Variants in GRAMD1C observed in about 807,000 individuals in gnomAD.
GRAMD1C encodes GRAM domain containing 1C.
In GRAMD1C, 89 loss-of-function variants were observed where a neutral mutation model predicts 97.8. The ratio of observed to expected loss-of-function variants is 0.91; its 90% CI spans 0.77 to 1.09. The LOEUF is 1.09. GRAMD1C is among the 50% of genes least tolerant of loss of function. The probability of loss-of-function intolerance (pLI) is 0.00; values close to 1 mark genes in which losing one functional copy is unlikely to be tolerated. For synonymous variants in GRAMD1C, 256 were observed against 267.0 expected (o/e 0.96, Z 0.40); for missense variants, 740 against 766.4 (o/e 0.97, Z 0.41).
intron 3 of GRAMD1C, among the ~76,000 whole-genome samples, chr3:113,872,277 T>A (rs1319627303): frequency 6.6e-6 from 1 of 152,064 alleles, no homozygotes; most frequent in East Asian, 1.9e-4. Flanking sequence ...TAGGATTATA[T>A]ATATAGAAAA....
chr3:113,866,979 C>T (rs1263395117), intron 2 of GRAMD1C, among the ~76,000 whole-genome samples: 2 of 152,088 alleles, frequency 1.3e-5, no homozygotes, highest in African/African-American at 4.8e-5. Flanking sequence ...CAGGTGCCTG[C>T]CACCCTGCCT....
chr3:113,856,512 T>G (rs1934133328), intron 2 of GRAMD1C, among the ~76,000 whole-genome samples: 1 of 143,492 alleles, frequency 7.0e-6, no homozygotes, highest in Non-Finnish European at 1.5e-5. Context: ...TCTCCAGATT[T>G]ATTTATTTCT....
chr3:113,876,017 G>A (rs1351123349), intron 4 of GRAMD1C, 148 bp from the exon 5 acceptor site: 7 of 585,956 alleles, frequency 1.2e-5, no homozygotes, highest in South Asian at 4.7e-5. Context: ...GAATACAAGC[G>A]TGTACTTATT....
rs371319847 is a variant in GRAMD1C, at chr3:113,885,308, C to G, written c.540+2476C>G. On this transcript the variant is annotated intron_variant, in intron 6 of 17. Transcript: ENST00000358160. ...GCCGGGGTCATCCGGATGGTGCGGA[C>G]GCAGTGTCTGCTGGGACTGCGCACG... 109 of 1,563,104 alleles carry G rather than the reference C, an allele frequency of 7.0e-5. No individual in the cohort carries two copies. In the South Asian group the frequency reaches 1.1e-3, roughly 15 times the overall value.
intron 11 of GRAMD1C, 49 bp downstream of exon 11, chr3:113,930,881 A>G (rs1937393865): frequency 1.1e-6 from 1 of 929,158 alleles, no homozygotes; most frequent in Non-Finnish European, 1.8e-6. Context: ...GGGGGAAGAG[A>G]GAAGATGCCT....
At chr3:113,889,858 G>C (rs113061116) in intron 6 of GRAMD1C, among the ~76,000 whole-genome samples, 2 of 151,954 alleles carry the variant, frequency 1.3e-5, no homozygotes, top group African/African-American at 4.8e-5. Flanking sequence ...GGCTGGTCTC[G>C]AACTCCCGAC....
chr3:113,912,939 T>A (rs1936657881), intron 9 of GRAMD1C: 3 of 259,376 alleles, frequency 1.2e-5, no homozygotes, highest in South Asian at 7.1e-5. Context: ...ACTTATTAAG[T>A]AGGCATTTTA....
intron 8 of GRAMD1C, among the ~76,000 whole-genome samples, chr3:113,908,039 C>G (rs1156755252): frequency 6.6e-6 from 1 of 152,046 alleles, no homozygotes; most frequent in East Asian, 1.9e-4. Flanking sequence ...GTCCTCGGTC[C>G]CAGTTGTTAT....
At chr3:113,898,527 C>T (rs1025732830) in intron 6 of GRAMD1C, among the ~76,000 whole-genome samples, 32 of 152,032 alleles carry the variant, frequency 2.1e-4, no homozygotes, top group Non-Finnish European at 1.0e-4. Context: ...GTGTATGTTC[C>T]TTTAATATCA....
chr3:113,894,971 A>G (rs1577176408), intron 6 of GRAMD1C, among the ~76,000 whole-genome samples: 1 of 152,168 alleles, frequency 6.6e-6, no homozygotes, highest in East Asian at 1.9e-4. Context: ...AGGGTTTAAA[A>G]CAGTTGATTG....
intron 10 of GRAMD1C, among the ~76,000 whole-genome samples, chr3:113,927,590 G>A (rs888935544): frequency 2.0e-5 from 3 of 152,166 alleles, no homozygotes; most frequent in African/African-American, 4.8e-5. Context: ...TGCTGTCTGG[G>A]TACTTCCTAG....
At chr3:113,933,392 A>G (rs1652195481) in intron 11 of GRAMD1C, 119 bp from the exon 12 acceptor site, 3 of 679,972 alleles carry the variant, frequency 4.4e-6, no homozygotes, top group Non-Finnish European at 7.5e-6. Context: ...CTTTGTATAT[A>G]GGTTTCTCAT....
intron 2 of GRAMD1C, among the ~76,000 whole-genome samples, chr3:113,862,282 C>T (rs1356593022): frequency 6.6e-6 from 1 of 152,172 alleles, no homozygotes; most frequent in South Asian, 2.1e-4. Flanking sequence ...TATTTCATCC[C>T]TACAGCTGTG....
chr3:113,925,275 G>T (rs1308029198), intron 10 of GRAMD1C, among the ~76,000 whole-genome samples: 1 of 152,128 alleles, frequency 6.6e-6, no homozygotes, highest in Admixed American at 6.5e-5. Context: ...AGATCACAAG[G>T]TCAGGAGATC....
chr3:113,839,593 T>C (rs1709726034), intron 1 of GRAMD1C, among the ~76,000 whole-genome samples: 2 of 152,302 alleles, frequency 1.3e-5, no homozygotes, highest in Admixed American at 1.3e-4. Context: ...CAAATAATTG[T>C]TGAATGAACA....
At chr3:113,840,317 G>T (rs1478013544) in intron 1 of GRAMD1C, among the ~76,000 whole-genome samples, 1 of 152,110 alleles carries the variant, frequency 6.6e-6, no homozygotes, top group East Asian at 1.9e-4. Flanking sequence ...GGAGAGCAAG[G>T]CAGGCCTCTC....
upstream of GRAMD1C, among the ~76,000 whole-genome samples, chr3:113,834,336 C>T (rs1045183447): frequency 7.9e-5 from 12 of 152,128 alleles, no homozygotes; most frequent in East Asian, 1.9e-4. Context: ...CCTGCCACCA[C>T]GCCTGGCTAA....
Position 113,946,616 on chromosome 3 carries a change from T to A in GRAMD1C, c.*1138T>A, listed in dbSNP as rs1938096975. The A allele has an allele frequency of 6.6e-6, 1 of 152,258 alleles. No individual in the cohort carries two copies. The highest frequency in any genetic ancestry group is 1.5e-5 in the Non-Finnish European group (1 of 68,044). 9.4% of individuals were successfully genotyped at this position (152,258 alleles called of 1,614,324 possible). ...AGAGTTAGGGAAAGTTGAAGTGTTTTACTGTTTTGTCTCTTGAGCCCTTTC... is the reference window on the plus strand; with the variant it reads ...AGAGTTAGGGAAAGTTGAAGTGTTTAACTGTTTTGTCTCTTGAGCCCTTTC... On this transcript the variant is annotated 3_prime_UTR_variant, in exon 18 of 18. Coordinates refer to ENST00000358160, the MANE Select transcript of GRAMD1C (RefSeq NM_017577.5).
At chr3:113,885,579 C>G (rs1322386543) in intron 6 of GRAMD1C, 2 of 1,549,476 alleles carry the variant, frequency 1.3e-6, no homozygotes, top group Non-Finnish European at 1.8e-6. Flanking sequence ...TGACTTCATC[C>G]TCAAGGTGGT....
Sources: allele counts gnomAD v4.1 joint callset (sites outside exome capture counted in the v4.1 genomes callset), GRCh38; gene constraint gnomAD v4.1.1; transcripts MANE v1.5; gene names NCBI Gene and HGNC (gene_info 2026-07-23, HGNC 2026-07-21).